TSPAN15: variants seen among roughly 807,000 people sequenced by gnomAD.
TSPAN15 encodes tetraspanin-15.
In TSPAN15, 20 loss-of-function variants were observed where a neutral mutation model predicts 34.5. The observed-to-expected ratio is 0.58, with a 90% CI of 0.41 to 0.84. The LOEUF (loss-of-function observed/expected upper bound fraction) is 0.84. Among genes scored for constraint, TSPAN15 ranks in the 40% least tolerant of loss-of-function variants. The pLI, the probability that TSPAN15 is intolerant of heterozygous loss-of-function variation, is 0.00. For missense variants in TSPAN15, 313 were observed against 386.1 expected, an observed-to-expected ratio of 0.81 and a Z score of 1.59; for synonymous variants, 155 against 153.9, an observed-to-expected ratio of 1.01 and a Z score of -0.05.
At chr10:69,454,096 T>C (rs113322311) in intron 1 of TSPAN15, among the ~76,000 whole-genome samples, 139 of 152,288 alleles carry the variant, frequency 9.1e-4, no homozygotes, top group Middle Eastern at 3.4e-3. Context: ...ATCTCTGGGG[T>C]TGAGGGAAGG....
At chr10:69,491,454 C>CT (rs1466917392) in intron 3 of TSPAN15, among the ~76,000 whole-genome samples, 1 of 152,200 alleles carries the variant, frequency 6.6e-6, no homozygotes, top group Non-Finnish European at 1.5e-5. Flanking sequence ...GCCTCAGCTC[C>CT]TAGGCTCAAG....
the TSPAN15 span, among the ~76,000 whole-genome samples, chr10:69,538,199 C>G: frequency 2.6e-5 from 4 of 152,162 alleles, no homozygotes; most frequent in African/African-American, 9.7e-5. Context: ...AGGGGGGAAA[C>G]AAACATTCAT....
chr10:69,534,454 TGGG>T, the TSPAN15 span, among the ~76,000 whole-genome samples: 1 of 152,110 alleles, frequency 6.6e-6, no homozygotes, highest in African/African-American at 2.4e-5. Flanking sequence ...CTCAAAATAA[TGGG>T]GGCACAAGGA....
chr10:69,524,388 C>A, the TSPAN15 span, among the ~76,000 whole-genome samples: 1 of 147,742 alleles, frequency 6.8e-6, no homozygotes, highest in African/African-American at 2.5e-5. Flanking sequence ...ATCGCTTGAA[C>A]CCAGGAGGCG....
chr10:69,506,488 G>A lies in TSPAN15; in HGVS notation c.735+248G>A. On this transcript the variant is annotated intron_variant, in intron 7 of 7. Coordinates refer to ENST00000373290, the MANE Select transcript of TSPAN15 (RefSeq NM_012339.5). The surrounding 1 kb of genome is among the most constrained non-coding windows in gnomAD (Gnocchi z 4.7). ...ACTATTATAATGCCTATTTCACAGA[G>A]GAGGAAACTGAGGAGCAGCAAGCTT... 1 of 593,200 alleles carries A rather than the reference G, an allele frequency of 1.7e-6. No homozygotes were observed. Among genetic ancestry groups the A allele is most frequent in the East Asian group, 2.8e-5 (1 of 35,800 alleles). The allele number at this position is 593,200 out of a possible 1,614,324, so 36.7% of individuals were successfully genotyped here. A position where few individuals can be genotyped will look rare whatever the true frequency, so the allele number is the denominator to read the frequency against.
At chr10:69,460,989 T>C (rs1427638111) in intron 1 of TSPAN15, among the ~76,000 whole-genome samples, 4 of 152,150 alleles carry the variant, frequency 2.6e-5, no homozygotes, top group Admixed American at 2.6e-4. Flanking sequence ...TTTTCTTGTC[T>C]GCTGGGAGGG....
chr10:69,545,706 C>A, the TSPAN15 span, among the ~76,000 whole-genome samples: 1 of 152,174 alleles, frequency 6.6e-6, no homozygotes, highest in East Asian at 1.9e-4. Flanking sequence ...CCTGTGATCC[C>A]AGCACTTTGG....
intron 4 of TSPAN15, among the ~76,000 whole-genome samples, chr10:69,497,717 G>T (rs374735832): frequency 6.6e-6 from 1 of 152,162 alleles, no homozygotes; most frequent in Non-Finnish European, 1.5e-5. Context: ...CAGCCATCAG[G>T]AGGGTTACCA....
intron 3 of TSPAN15, 84 bp from the exon 4 acceptor site, chr10:69,495,510 T>C (rs1275596731): frequency 7.0e-6 from 7 of 998,190 alleles, no homozygotes; most frequent in African/African-American, 6.4e-5. Context: ...AGGCATTCTC[T>C]ACCCATCCAG....
chr10:69,453,386 A>G (rs1192927364), intron 1 of TSPAN15, among the ~76,000 whole-genome samples: 1 of 152,174 alleles, frequency 6.6e-6, no homozygotes, highest in African/African-American at 2.4e-5. Context: ...ATGGTCTCAT[A>G]GGTCCCCTAA....
chr10:69,496,483 G>A lies in TSPAN15; in HGVS notation c.453+794G>A, dbSNP rs573463272. Among the ~76,000 whole-genome samples the A allele has an allele frequency of 2.6e-5, 4 of 152,172 alleles. No individual in the cohort carries two copies. In the South Asian group the frequency reaches 8.3e-4, roughly 32 times the overall value. ...AGGGGAATAATGACAGGAGCTCTTG[G>A]GGCGTCGTCATGAGGATTACCTTGA... On this transcript the variant is annotated intron_variant, in intron 4 of 7. Transcript: ENST00000373290.
the TSPAN15 span, among the ~76,000 whole-genome samples, chr10:69,548,151 G>T: frequency 8.9e-3 from 1,358 of 152,086 alleles, 19 homozygotes; most frequent in East Asian, 0.06. Flanking sequence ...AATCAGAAAG[G>T]GGGGAAAGGA....
At chr10:69,495,341 A>T in intron 3 of TSPAN15, 1 of 456,054 alleles carries the variant, frequency 2.2e-6, no homozygotes, top group South Asian at 2.5e-5. Context: ...CTGCAAAGGG[A>T]GTGGAGTGAA....
chr10:69,535,718 C>T, the TSPAN15 span, among the ~76,000 whole-genome samples: 1 of 152,230 alleles, frequency 6.6e-6, no homozygotes, highest in Non-Finnish European at 1.5e-5. Context: ...TCTATGCATC[C>T]TGGCCCTCAC....
At chr10:69,532,694 CT>C in the TSPAN15 span, among the ~76,000 whole-genome samples, 1 of 152,158 alleles carries the variant, frequency 6.6e-6, no homozygotes, top group Non-Finnish European at 1.5e-5. Context: ...CTTAATTAAA[CT>C]AAAGAGCCTT....
chr10:69,509,983 C>T (rs192792448), downstream of TSPAN15, among the ~76,000 whole-genome samples: 8 of 152,216 alleles, frequency 5.3e-5, no homozygotes, highest in East Asian at 7.7e-4. Flanking sequence ...TTACTGTGGC[C>T]TTATACTATA....
the TSPAN15 span, among the ~76,000 whole-genome samples, chr10:69,534,145 C>T: frequency 6.6e-6 from 1 of 152,130 alleles, no homozygotes; most frequent in South Asian, 2.1e-4. Context: ...ATACTTCATG[C>T]CAGAAGAAAA....
At chr10:69,474,607 A>G (rs1376656657) in intron 1 of TSPAN15, among the ~76,000 whole-genome samples, 1 of 152,060 alleles carries the variant, frequency 6.6e-6, no homozygotes, top group Non-Finnish European at 1.5e-5. Flanking sequence ...GCAGAGGGAC[A>G]CAGTCCTGGC....
chr10:69,516,840 C>T, the TSPAN15 span, among the ~76,000 whole-genome samples: 1 of 152,194 alleles, frequency 6.6e-6, no homozygotes, highest in African/African-American at 2.4e-5. Context: ...CTGCTGTCTC[C>T]TGAGAGATGA....
Sources: allele counts gnomAD v4.1 joint callset (sites outside exome capture counted in the v4.1 genomes callset), GRCh38; gene constraint gnomAD v4.1.1; non-coding constraint Gnocchi (gnomAD v3.1); transcripts MANE v1.5; gene names NCBI Gene and HGNC (gene_info 2026-07-23, HGNC 2026-07-21).